The following SUMF2 variants were observed in gnomAD, a reference collection of about 807,000 sequenced individuals.
SUMF2 encodes the protein sulfatase modifying factor 2, also known as inactive C-alpha-formylglycine-generating enzyme 2.
In SUMF2, 45 loss-of-function variants were observed where a neutral mutation model predicts 44.8. That is an observed-to-expected ratio of 1.00 (90% confidence interval 0.79 to 1.29). The LOEUF (loss-of-function observed/expected upper bound fraction) is 1.29, where lower values mean the gene tolerates loss of function less well. SUMF2 is among the 50% of genes most tolerant of loss of function. The probability of loss-of-function intolerance (pLI) is 0.00; values close to 1 mark genes in which losing one functional copy is unlikely to be tolerated. For synonymous variants in SUMF2, 148 were observed against 150.4 expected, an observed-to-expected ratio of 0.98 and a Z score of 0.12; for missense variants, 418 against 389.9, an observed-to-expected ratio of 1.07 and a Z score of -0.61.
At position 56,079,772 on chromosome 7, in the gene SUMF2, C is replaced by A. The variant is rs1381980188; in HGVS notation, c.*160C>A. 1 of 1,557,536 alleles carries A rather than the reference C, an allele frequency of 6.4e-7. No homozygotes were observed. Among genetic ancestry groups the A allele is most frequent in the East Asian group, 2.4e-5 (1 of 41,122 alleles). Reference sequence around the variant, plus strand: ...CTGTGGCAGGCGCCTCTCACCAGGGCAGGAGAGGACTCAGCCTCCTGTGTT... The same window carrying A: ...CTGTGGCAGGCGCCTCTCACCAGGGAAGGAGAGGACTCAGCCTCCTGTGTT... On this transcript the variant is annotated 3_prime_UTR_variant, in exon 9 of 9. Coordinates refer to ENST00000434526, the MANE Select transcript of SUMF2 (RefSeq NM_015411.4).
chr7:56,086,525 G>C, the SUMF2 span, among the ~76,000 whole-genome samples: 1 of 151,842 alleles, frequency 6.6e-6, no homozygotes, highest in Non-Finnish European at 1.5e-5. Flanking sequence ...TTTCGCTCTC[G>C]TAGCCCAGGC....
Position 56,080,198 on chromosome 7 carries a change from G to A in SUMF2, c.*586G>A. ...CAGATGATGTACTAGGTGAAGCATT[G>A]CATTGTGGGAATCACAAAGCAAATA... is the stretch of plus-strand genomic sequence containing the variant. On this transcript the variant is annotated 3_prime_UTR_variant, in exon 9 of 9. Transcript: ENST00000434526. The A allele has an allele frequency of 4.4e-6, 1 of 227,248 alleles. No homozygotes were observed. Among genetic ancestry groups the A allele is most frequent in the Non-Finnish European group, 8.5e-6 (1 of 117,626 alleles). The allele number at this position is 227,248 out of a possible 1,614,324, so 14.1% of individuals were successfully genotyped here. A position where few individuals can be genotyped will look rare whatever the true frequency, so the allele number is the denominator to read the frequency against.
chr7:56,083,242 G>A (rs753415361), downstream of SUMF2: 33 of 1,604,916 alleles, frequency 2.1e-5, no homozygotes, highest in Admixed American at 4.2e-4. Flanking sequence ...TTGAGCACCC[G>A]AGGCCTGGAC....
rs1341916243 is a variant in SUMF2, at chr7:56,078,579, G to A, written c.821+71G>A. 3 of 1,463,134 alleles carry A rather than the reference G, an allele frequency of 2.1e-6. No homozygotes were observed. In the African/African-American group the frequency reaches 4.2e-5, roughly 21 times the overall value. The allele number at this position is 1,463,134 out of a possible 1,614,324, so 90.6% of individuals were successfully genotyped here. ...CTGATGTCTGAATCCCGGTCCCAGA[G>A]TGTCCCTACCTTCACACCACCAACC... On this transcript the variant is annotated intron_variant, in intron 8 of 8. Coordinates refer to ENST00000434526, the MANE Select transcript of SUMF2 (RefSeq NM_015411.4).
downstream of SUMF2, chr7:56,084,105 C>T: frequency 9.2e-7 from 1 of 1,087,398 alleles, no homozygotes; most frequent in Non-Finnish European, 1.4e-6. Context: ...TAGAAGTGAC[C>T]AGGGAAGCAA....
At position 56,064,353 on chromosome 7, in the gene SUMF2, C is replaced by G. The variant is rs1197886462; in HGVS notation, c.42C>G (p.Leu14=). 8 of 1,604,200 alleles carry G rather than the reference C, an allele frequency of 5.0e-6. No individual in the cohort carries two copies. The highest frequency in any genetic ancestry group is 6.8e-6 in the Non-Finnish European group (8 of 1,175,908). The part of the protein sequence containing the change: ...HGLPLLPLLS[L]LVGAWLKLGN... ...TACCGCTGCTGCCCCTGCTGTCGCT[C>G]CTGGTCGGCGCGTGGCTCAAGCTAG... Residue 14 remains leucine (L), a synonymous_variant, in exon 1 of 9, where the codon CTC becomes CTG. Coordinates refer to ENST00000434526, the MANE Select transcript of SUMF2 (RefSeq NM_015411.4).
At chr7:56,083,289 T>C, downstream of SUMF2, 1 of 1,613,866 alleles carries the variant, frequency 6.2e-7, no homozygotes, top group African/African-American at 1.3e-5. Context: ...TCGCAGCCTC[T>C]CTCCCGGCTC....
At chr7:56,087,765 C>A in the SUMF2 span, 1 of 1,611,660 alleles carries the variant, frequency 6.2e-7, no homozygotes, top group Non-Finnish European at 8.5e-7. Flanking sequence ...CCTGACCACA[C>A]TGCTAACGCC....
downstream of SUMF2, among the ~76,000 whole-genome samples, chr7:56,085,510 A>ATGATGGTGATGATGGTGG (rs1485015523): frequency 1.3e-5 from 2 of 152,220 alleles, no homozygotes; most frequent in Non-Finnish European, 2.9e-5. Flanking sequence ...CAGGGGCATG[A>ATGATGGTGATGATGGTGG]TGATGGTGAT....
intron 5 of SUMF2, among the ~76,000 whole-genome samples, chr7:56,076,119 C>T (rs939615278): frequency 2.0e-5 from 3 of 151,908 alleles, no homozygotes; most frequent in Non-Finnish European, 2.9e-5. Context: ...CTCCGCCTCC[C>T]GGGTTCACGC....
At position 56,079,777 on chromosome 7, in the gene SUMF2, G is replaced by A. The variant is rs1326611441; in HGVS notation, c.*165G>A. Reference sequence around the variant, plus strand: ...GCAGGCGCCTCTCACCAGGGCAGGAGAGGACTCAGCCTCCTGTGTTTTGGA... The same window carrying A: ...GCAGGCGCCTCTCACCAGGGCAGGAAAGGACTCAGCCTCCTGTGTTTTGGA... On this transcript the variant is annotated 3_prime_UTR_variant, in exon 9 of 9. Coordinates refer to ENST00000434526, the MANE Select transcript of SUMF2 (RefSeq NM_015411.4). 3 of 1,556,214 alleles carry A rather than the reference G, an allele frequency of 1.9e-6. No individual in the cohort carries two copies. The Admixed American group carries it at 5.9e-5, about 30-fold the overall frequency.
chr7:56,079,401 C>A, intron 8 of SUMF2, 127 bp from the exon 9 acceptor site: 1 of 950,154 alleles, frequency 1.1e-6, no homozygotes, highest in Non-Finnish European at 1.6e-6. Flanking sequence ...TCTTTCCAGA[C>A]CATGCTCTCC....
chr7:56,065,938 G>A (rs1200396152), intron 1 of SUMF2, among the ~76,000 whole-genome samples: 1 of 151,794 alleles, frequency 6.6e-6, no homozygotes, highest in Non-Finnish European at 1.5e-5. Flanking sequence ...AAAATTAGCC[G>A]GGCGTGGTGG....
At chr7:56,071,942 C>G (rs1795186572) in intron 2 of SUMF2, among the ~76,000 whole-genome samples, 1 of 148,484 alleles carries the variant, frequency 6.7e-6, no homozygotes, top group African/African-American at 2.5e-5. Context: ...AAACCCGTCT[C>G]TACTAAAAAG....
downstream of SUMF2, chr7:56,081,241 T>C (rs1795968750): frequency 6.2e-7 from 1 of 1,613,434 alleles, no homozygotes; most frequent in Non-Finnish European, 8.5e-7. This position sits in a 1 kb window ranked among gnomAD's most constrained non-coding sequence, Gnocchi z 4.6. Context: ...GGTCACAGGC[T>C]TCACCCGGCG....
chr7:56,084,136 C>G, downstream of SUMF2: 1 of 1,463,622 alleles, frequency 6.8e-7, no homozygotes, highest in Non-Finnish European at 9.2e-7. Context: ...GCTGGTGGCC[C>G]TGTGAGCAGT....
rs758331119 is a variant in SUMF2 at position 56,064,298 on chromosome 7, G to T, written c.-14G>T. 8.2e-6 allele frequency: 13 copies of T among 1,582,086 alleles called. No individual in the cohort carries two copies. The Admixed American group carries it at 2.4e-4, about 29-fold the overall frequency. On this transcript the variant is annotated 5_prime_UTR_variant, in exon 1 of 9. Transcript: ENST00000434526. ...CGGGGCCGTGGGTGTACGCGGCGCA[G>T]CGCGGCAGTCCTGATGGCCCGGCAT...
At chr7:56,078,644 C>A in intron 8 of SUMF2, 136 bp downstream of exon 8, 1 of 1,117,778 alleles carries the variant, frequency 8.9e-7, no homozygotes, top group Non-Finnish European at 1.2e-6. Context: ...CTCCCTGAGC[C>A]TGTGCCCAGT....
rs773908376 is a variant in SUMF2, at chr7:56,078,153, C to G, written c.643C>G (p.Pro215Ala). 1 of 1,612,866 alleles carries G rather than the reference C, an allele frequency of 6.2e-7. No individual in the cohort carries two copies. Among genetic ancestry groups the G allele is most frequent in the Non-Finnish European group, 8.5e-7 (1 of 1,179,006 alleles). The change falls in exon 7 of 9, where the codon CCA (proline) becomes GCA (alanine). Residue 215 changes from proline (P) to alanine (A), a missense_variant. Coordinates refer to ENST00000434526, the MANE Select transcript of SUMF2 (RefSeq NM_015411.4). Reference protein sequence around the residue: ...KAEDGFHGVSPVNAFPAQNNY... With the variant: ...KAEDGFHGVSAVNAFPAQNNY... Reference sequence around the variant, plus strand: ...TGAGGATGGCTTCCATGGAGTCTCCCCAGTGAATGCTTTCCCCGCCCAGAA... The same window carrying G: ...TGAGGATGGCTTCCATGGAGTCTCCGCAGTGAATGCTTTCCCCGCCCAGAA...
Sources: gnomAD v4.1 joint callset for allele counts (sites outside exome capture counted in the v4.1 genomes callset) on GRCh38, gnomAD v4.1.1 for gene constraint, Gnocchi (gnomAD v3.1) non-coding constraint, MANE v1.5 for transcripts, NCBI Gene and HGNC (gene_info 2026-07-23, HGNC 2026-07-21) for gene names.